CNTNAP2: variants seen among roughly 807,000 people sequenced by gnomAD.
The protein encoded by CNTNAP2 is contactin associated protein 2.
CNTNAP2 carries 98 observed loss-of-function variants against 155.2 expected under a neutral mutation model. That is an observed-to-expected ratio of 0.63 (90% confidence interval 0.54 to 0.75). The LOEUF is 0.75. CNTNAP2 is among the 30% of genes least tolerant of loss of function. The pLI is 0.00. For missense variants in CNTNAP2, 1,727 were observed against 1,688.1 expected, an observed-to-expected ratio of 1.02 and a Z score of -0.40; for synonymous variants, 651 against 631.2, an observed-to-expected ratio of 1.03 and a Z score of -0.47.
intron 4 of CNTNAP2, among the ~76,000 whole-genome samples, chr7:147,096,526 G>A (rs1371852981): frequency 1.3e-5 from 2 of 151,926 alleles, no homozygotes; most frequent in African/African-American, 4.8e-5. Context: ...TGTCTCTCTT[G>A]GTCATATTGC....
intron 3 of CNTNAP2, among the ~76,000 whole-genome samples, chr7:146,888,370 T>C (rs933109830): frequency 2.0e-5 from 3 of 152,182 alleles, no homozygotes; most frequent in Non-Finnish European, 4.4e-5. Context: ...CCTTACTTTC[T>C]ATCACTTGTT....
At chr7:148,093,594 C>G (rs1035990287) in intron 15 of CNTNAP2, among the ~76,000 whole-genome samples, 3 of 152,134 alleles carry the variant, frequency 2.0e-5, no homozygotes, top group African/African-American at 7.2e-5. Flanking sequence ...GGATTTTGTC[C>G]CTTACACATA....
In CNTNAP2 at chr7:147,851,227, A is replaced by C. The variant is rs556617702; in HGVS notation, c.2099-52338A>C. On this transcript the variant is annotated intron_variant, in intron 13 of 23. Transcript: ENST00000361727. ...CAAATCAAAACCACAATGAGATACC[A>C]TCTCACACCAGTTAGAATGGCGATC... is the stretch of plus-strand genomic sequence containing the variant. Among the ~76,000 whole-genome samples the C allele has an allele frequency of 3.1e-4, 47 of 152,258 alleles. No homozygotes were observed. In the South Asian group the frequency reaches 8.7e-3, roughly 28 times the overall value.
Position 146,531,410 on chromosome 7 carries a change from C to T in CNTNAP2, c.98-242861C>T, listed in dbSNP as rs1797767621. ...AATAAAGCTGTCTTCCAAAGGAAACCTATGGAAGTTCTATACAAAGGCAAA... is the reference window on the plus strand; with the variant it reads ...AATAAAGCTGTCTTCCAAAGGAAACTTATGGAAGTTCTATACAAAGGCAAA... On this transcript the variant is annotated intron_variant, in intron 1 of 23. Coordinates refer to ENST00000361727, the MANE Select transcript of CNTNAP2 (RefSeq NM_014141.6). Among the ~76,000 whole-genome samples the T allele has an allele frequency of 2.6e-5, 4 of 151,990 alleles. No individual in the cohort carries two copies. The South Asian group carries it at 8.3e-4, about 32-fold the overall frequency.
At chr7:147,493,965 A>C (rs1798651383) in intron 11 of CNTNAP2, among the ~76,000 whole-genome samples, 1 of 152,208 alleles carries the variant, frequency 6.6e-6, no homozygotes, top group Non-Finnish European at 1.5e-5. Flanking sequence ...TCAATAGAAT[A>C]TATGCAAGTC....
chr7:146,962,053 C>T (rs1440775113), intron 3 of CNTNAP2, among the ~76,000 whole-genome samples: 1 of 152,098 alleles, frequency 6.6e-6, no homozygotes, highest in East Asian at 1.9e-4. Flanking sequence ...GTTTAGATAA[C>T]TCTAAACACC....
intron 3 of CNTNAP2, among the ~76,000 whole-genome samples, chr7:146,965,554 G>A (rs536866691): frequency 1.3e-5 from 2 of 152,080 alleles, no homozygotes; most frequent in South Asian, 2.1e-4. Context: ...TACTAAATAG[G>A]AGTAAAGGTT....
intron 1 of CNTNAP2, among the ~76,000 whole-genome samples, chr7:146,281,365 A>G (rs1800248751): frequency 6.6e-6 from 1 of 152,218 alleles, no homozygotes; most frequent in South Asian, 2.1e-4. Flanking sequence ...CTGATGAGGT[A>G]AAGAGGGTAC....
At chr7:148,062,651 G>A (rs1179604199) in intron 15 of CNTNAP2, among the ~76,000 whole-genome samples, 1 of 152,032 alleles carries the variant, frequency 6.6e-6, no homozygotes, top group Non-Finnish European at 1.5e-5. Flanking sequence ...ACTTAGAACT[G>A]AAGGACAATA....
At position 147,395,769 on chromosome 7, in the gene CNTNAP2, G is replaced by A. The variant is rs34592169; in HGVS notation, c.1659G>A (p.Ala553=). The stretch of plus-strand genomic sequence containing the variant: ...CGAATGTCAGCATTGACATGTGTGC[G>A]ATCATAGACAGGTAAATGATCTTTT... ...SFANVSIDMC[A]IIDRCVPNHC... is the part of the protein sequence containing the mutation. The change falls in exon 10 of 24, where the codon GCG becomes GCA. Residue 553 remains alanine, a synonymous_variant. Transcript: ENST00000361727. 353,529 of 1,611,650 alleles carry A rather than the reference G, an allele frequency of 0.22. 42,120 individuals are homozygous for A. The highest frequency in any genetic ancestry group is 0.25 in the Non-Finnish European group (290,689 of 1,178,282).
intron 1 of CNTNAP2, among the ~76,000 whole-genome samples, chr7:146,347,526 T>A (rs186184242): frequency 6.6e-6 from 1 of 152,288 alleles, no homozygotes; most frequent in Non-Finnish European, 1.5e-5. Flanking sequence ...CAATAAGTTA[T>A]TTTTCTCTGT....
intron 15 of CNTNAP2, among the ~76,000 whole-genome samples, chr7:148,057,950 C>CTTATTATTATTA (rs60012733): frequency 1.0e-3 from 149 of 142,726 alleles, no homozygotes; most frequent in East Asian, 5.3e-3. Context: ...CAGCTTCCAG[C>CTTATTATTATTA]TTATTATTAT....
Position 148,312,287 on chromosome 7 carries a change from G to A in CNTNAP2, c.3475+45161G>A, listed in dbSNP as rs554402691. Among the ~76,000 whole-genome samples the A allele has an allele frequency of 4.6e-5, 7 of 152,266 alleles. No homozygotes were observed. In the South Asian group the frequency reaches 1.4e-3, roughly 32 times the overall value. ...ATTGTTGTTTTGTAGAAGGGATTGG[G>A]GTTTGGGAGATTAGCCAGACACGAT... On this transcript the variant is annotated intron_variant, in intron 21 of 23. Transcript: ENST00000361727.
intron 13 of CNTNAP2, among the ~76,000 whole-genome samples, chr7:147,824,522 C>A (rs1798415352): frequency 6.6e-6 from 1 of 152,116 alleles, no homozygotes; most frequent in South Asian, 2.1e-4. Flanking sequence ...TGGTACCTAT[C>A]ATTAAATCTC....
chr7:147,589,712 C>G (rs754015574), intron 12 of CNTNAP2, among the ~76,000 whole-genome samples: 39 of 152,222 alleles, frequency 2.6e-4, no homozygotes, highest in Middle Eastern at 3.4e-3. Context: ...TGGATTCTCT[C>G]TAAGTTTTTT....
At chr7:146,541,839 T>C (rs1797957719) in intron 1 of CNTNAP2, among the ~76,000 whole-genome samples, 1 of 151,944 alleles carries the variant, frequency 6.6e-6, no homozygotes, top group African/African-American at 2.4e-5. Context: ...AACCTCTCAT[T>C]TGCCCTGCCT....
chr7:146,397,870 G>GGTT lies in CNTNAP2; in HGVS notation c.97+280897_97+280898insGTT, dbSNP rs1554428065. On this transcript the variant is annotated intron_variant, in intron 1 of 23. Coordinates refer to ENST00000361727, the MANE Select transcript of CNTNAP2 (RefSeq NM_014141.6). ...AATTTTGTATACCAAAATTTGACAG[G>GGTT]CTTTTATTTATTTATTTATTTTTGA... 1.5e-3 allele frequency among the ~76,000 whole-genome samples: 171 copies of GGTT among 117,472 alleles called. 4 individuals are homozygous for GGTT. Among genetic ancestry groups the GGTT allele is most frequent in the African/African-American group, 7.6e-3 (165 of 21,610 alleles). The allele number at this position is 117,472 out of a possible 152,430, so 77.1% of individuals were successfully genotyped here.
rs1801059397 is a variant in CNTNAP2, at chr7:146,324,329, A to G, written c.97+207356A>G. Among the ~76,000 whole-genome samples, 3 of 152,130 alleles carry G rather than the reference A, an allele frequency of 2.0e-5. No individual in the cohort carries two copies. The South Asian group carries it at 6.2e-4, about 31-fold the overall frequency. On this transcript the variant is annotated intron_variant, in intron 1 of 23. Coordinates refer to ENST00000361727, the MANE Select transcript of CNTNAP2 (RefSeq NM_014141.6). ...CTTAACCTAAGAGGTCTGAAACCTAAGTAGGGAGAGTTATCATGGGGTATT... is the reference window on the plus strand; with the variant it reads ...CTTAACCTAAGAGGTCTGAAACCTAGGTAGGGAGAGTTATCATGGGGTATT...
At chr7:146,945,992 G>A (rs771879193) in intron 3 of CNTNAP2, among the ~76,000 whole-genome samples, 3 of 152,098 alleles carry the variant, frequency 2.0e-5, no homozygotes, top group Non-Finnish European at 4.4e-5. Flanking sequence ...AGAGGGAAAG[G>A]TGGGGCCAAA....
Sources: allele counts gnomAD v4.1 joint callset (sites outside exome capture counted in the v4.1 genomes callset), GRCh38; gene constraint gnomAD v4.1.1; transcripts MANE v1.5; gene names NCBI Gene and HGNC (gene_info 2026-07-23, HGNC 2026-07-21).